Variants in DOCK9 observed in about 807,000 individuals in gnomAD.
DOCK9 encodes dedicator of cytokinesis protein 9.
In DOCK9, 89 loss-of-function variants were observed where a neutral mutation model predicts 263.3. That is an observed-to-expected ratio of 0.34 (90% CI 0.28 to 0.40). DOCK9 has a LOEUF of 0.40. Ranked by LOEUF, DOCK9 falls within the 10% of genes least tolerant of loss-of-function variation. The pLI, the probability that DOCK9 is intolerant of heterozygous loss-of-function variation, is 1.00. For missense variants in DOCK9, 2,140 were observed against 2,603.4 expected (o/e 0.82, Z 3.87); for synonymous variants, 976 against 973.1 (o/e 1.00, Z -0.06).
At chr13:98,859,459 T>C (rs2141822471) in intron 33 of DOCK9, 1 of 152,276 alleles carries the variant, frequency 6.6e-6, no homozygotes, top group Middle Eastern at 3.4e-3. Context: ...TGTTAAATTC[T>C]ACCCAGTTTC....
rs1339279863 is a variant in DOCK9 at position 98,794,474 on chromosome 13, G to T, written c.*152C>A. ...CACCTTCTTACAACTCCTATAGAAA[G>T]TCTGTTAAGAAATAACGTTGTTCTT... On this transcript the variant is annotated 3_prime_UTR_variant, in exon 53 of 53. Transcript: ENST00000682017. 32 of 822,620 alleles carry T rather than the reference G, an allele frequency of 3.9e-5. No homozygotes were observed. Among genetic ancestry groups the T allele is most frequent in the Non-Finnish European group, 5.2e-5 (28 of 538,654 alleles). The allele number at this position is 822,620 out of a possible 1,614,324, so 51.0% of individuals were successfully genotyped here.
chr13:98,867,916 C>A lies in DOCK9; in HGVS notation c.3174+12G>T, dbSNP rs1392852258. 3.1e-6 allele frequency: 5 copies of A among 1,611,610 alleles called. No individual in the cohort carries two copies. The highest frequency in any genetic ancestry group is 3.4e-6 in the Non-Finnish European group (4 of 1,178,710). On this transcript the variant is annotated intron_variant, in intron 29 of 52. Transcript: ENST00000682017. ...TGGTGACTTCTGTTACCAGTAACAACCCCCGCACTACCTTTGGGTCTCCAG... is the reference window on the plus strand; with the variant it reads ...TGGTGACTTCTGTTACCAGTAACAAACCCCGCACTACCTTTGGGTCTCCAG...
intron 45 of DOCK9, among the ~76,000 whole-genome samples, chr13:98,812,977 G>A (rs1298869355): frequency 6.6e-6 from 1 of 152,140 alleles, no homozygotes; most frequent in Non-Finnish European, 1.5e-5. Flanking sequence ...AAAGTGCTTT[G>A]TTTGAATAAG....
At chr13:98,860,611 C>CT in intron 32 of DOCK9, 89 bp from the exon 33 acceptor site, 1 of 1,220,780 alleles carries the variant, frequency 8.2e-7, no homozygotes, top group Non-Finnish European at 1.1e-6. Flanking sequence ...AGTGCAGGAC[C>CT]AAGACAGCCT....
chr13:99,034,906 T>A (rs1887708062), intron 1 of DOCK9, among the ~76,000 whole-genome samples: 1 of 152,286 alleles, frequency 6.6e-6, no homozygotes, highest in East Asian at 1.9e-4. Flanking sequence ...ATGGATGCAT[T>A]TGGATGTCAT....
intron 37 of DOCK9, chr13:98,846,935 C>T: frequency 4.2e-6 from 1 of 235,730 alleles, no homozygotes; most frequent in South Asian, 5.6e-5. Flanking sequence ...TTCCACAGTG[C>T]ATGGAGCAAA....
intron 3 of DOCK9, among the ~76,000 whole-genome samples, chr13:98,927,184 G>T (rs1232280737): frequency 6.6e-6 from 1 of 152,186 alleles, no homozygotes; most frequent in Non-Finnish European, 1.5e-5. Flanking sequence ...CAAACTTTTT[G>T]ATTTTTTTAC....
Position 98,825,200 on chromosome 13 carries a change from T to C in DOCK9, c.5024-696A>G, listed in dbSNP as rs1272673700. Among the ~76,000 whole-genome samples the C allele has an allele frequency of 6.6e-6, 1 of 152,242 alleles. No individual in the cohort carries two copies. Among genetic ancestry groups the C allele is most frequent in the Non-Finnish European group, 1.5e-5 (1 of 68,040 alleles). On this transcript the variant is annotated intron_variant, in intron 44 of 52. Transcript: ENST00000682017. The surrounding 1 kb of genome is among the most constrained non-coding windows in gnomAD (Gnocchi z 4.1). ...TGTTTCTTAAGCAATGACAGCCCAT[T>C]TGGGACCTTTCCTCGTCTTAGAGTC... is the stretch of plus-strand genomic sequence containing the variant.
intron 13 of DOCK9, among the ~76,000 whole-genome samples, chr13:98,901,120 C>T (rs2048212876): frequency 1.3e-5 from 2 of 152,224 alleles, no homozygotes; most frequent in African/African-American, 4.8e-5. Context: ...CCATGAGACA[C>T]TGAGCAGATC....
In DOCK9 at chr13:98,831,933, C is replaced by A; in HGVS notation, c.4315-147G>T. 5 of 972,628 alleles carry A rather than the reference C, an allele frequency of 5.1e-6. No homozygotes were observed. The South Asian group carries it at 9.6e-5, about 19-fold the overall frequency. The allele number at this position is 972,628 out of a possible 1,614,324, so 60.2% of individuals were successfully genotyped here. On this transcript the variant is annotated intron_variant, in intron 39 of 52. Transcript: ENST00000682017. Reference sequence around the variant, plus strand: ...CTGCCTTGAATCCTCTAGGAAAGTACAGAATTCTTTTGTAGAACAAGCAAA... The same window carrying A: ...CTGCCTTGAATCCTCTAGGAAAGTAAAGAATTCTTTTGTAGAACAAGCAAA...
chr13:99,050,815 C>T (rs936898943), intron 1 of DOCK9, among the ~76,000 whole-genome samples: 1 of 152,202 alleles, frequency 6.6e-6, no homozygotes, highest in Admixed American at 6.5e-5. Flanking sequence ...TTTAATGTGT[C>T]GTTGCTCTAA....
intron 1 of DOCK9, among the ~76,000 whole-genome samples, chr13:98,963,223 C>G (rs1035781943): frequency 6.6e-6 from 1 of 152,202 alleles, no homozygotes; most frequent in Non-Finnish European, 1.5e-5. Context: ...ATGATCCCCC[C>G]ACCCTTCAAT....
At chr13:98,911,628 C>T (rs761926890) in intron 9 of DOCK9, among the ~76,000 whole-genome samples, 9 of 151,740 alleles carry the variant, frequency 5.9e-5, no homozygotes, top group Admixed American at 6.6e-5. Context: ...GGCGTAGTGG[C>T]TCATGCCTGT....
At chr13:98,794,891 T>A (rs1320819734) in intron 52 of DOCK9, 143 bp from the exon 53 acceptor site, 2 of 803,514 alleles carry the variant, frequency 2.5e-6, no homozygotes, top group Non-Finnish European at 4.0e-6. Context: ...AACACAATGT[T>A]ACTGAGTATA....
intron 1 of DOCK9, among the ~76,000 whole-genome samples, chr13:99,003,743 T>A (rs1341907019): frequency 1.3e-5 from 2 of 152,172 alleles, no homozygotes; most frequent in Non-Finnish European, 2.9e-5. Context: ...CAGGCCACCA[T>A]CACCTGTGAC....
intron 1 of DOCK9, among the ~76,000 whole-genome samples, chr13:99,005,565 C>A (rs928403220): frequency 7.2e-5 from 11 of 152,108 alleles, no homozygotes; most frequent in African/African-American, 2.7e-4. Context: ...GGCAGTATCA[C>A]AAACCACTGA....
chr13:99,060,278 C>T (rs896299669), intron 1 of DOCK9, among the ~76,000 whole-genome samples: 2 of 151,734 alleles, frequency 1.3e-5, no homozygotes, highest in Admixed American at 6.6e-5. Context: ...GGGGTTTCAC[C>T]GTGTTAGCCA....
chr13:98,984,133 T>C (rs183833857), intron 1 of DOCK9, among the ~76,000 whole-genome samples: 129 of 152,272 alleles, frequency 8.5e-4, no homozygotes, highest in African/African-American at 2.4e-3. Flanking sequence ...AAAGGGACCA[T>C]TGGAAGGTCC....
intron 31 of DOCK9, 38 bp from the exon 32 acceptor site, chr13:98,863,170 T>C (rs773686337): frequency 1.9e-6 from 3 of 1,564,754 alleles, no homozygotes; most frequent in Non-Finnish European, 2.6e-6. Flanking sequence ...TGACCCAGGA[T>C]TCTGAGAACC....
Sources: gnomAD v4.1 joint callset for allele counts (sites outside exome capture counted in the v4.1 genomes callset) on GRCh38, gnomAD v4.1.1 for gene constraint, Gnocchi (gnomAD v3.1) non-coding constraint, MANE v1.5 for transcripts, NCBI Gene and HGNC (gene_info 2026-07-23, HGNC 2026-07-21) for gene names.